The following RECK variants were observed in gnomAD, a reference collection of about 807,000 sequenced individuals.
RECK encodes the protein reversion inducing cysteine rich protein with kazal motifs.
A neutral mutation model predicts 115.1 loss-of-function variants in RECK; 69 were observed. The ratio of observed to expected loss-of-function variants is 0.60; its 90% CI spans 0.49 to 0.73. The LOEUF (loss-of-function observed/expected upper bound fraction) is 0.73, where lower values mean the gene tolerates loss of function less well. Ranked by LOEUF, RECK falls within the 30% of genes least tolerant of loss-of-function variation. The probability of loss-of-function intolerance (pLI) is 0.00; values close to 1 mark genes in which losing one functional copy is unlikely to be tolerated. For synonymous variants in RECK, 414 were observed against 419.7 expected, an observed-to-expected ratio of 0.99 and a Z score of 0.17; for missense variants, 1,047 against 1,203.7, an observed-to-expected ratio of 0.87 and a Z score of 1.93.
intron 10 of RECK, among the ~76,000 whole-genome samples, chr9:36,095,462 A>G (rs563716269): frequency 6.6e-6 from 1 of 152,092 alleles, no homozygotes; most frequent in African/African-American, 2.4e-5. Flanking sequence ...ACATATCCCA[A>G]CTCCTCTTAT....
At chr9:36,109,231 G>A (rs187506785) in intron 14 of RECK, among the ~76,000 whole-genome samples, 3 of 152,250 alleles carry the variant, frequency 2.0e-5, no homozygotes, top group African/African-American at 4.8e-5. Context: ...GCTGAAACCG[G>A]GACGGGGGAT....
chr9:36,104,318 ATATATATATTTTTTTTTTTTTTTTTTTTT>A (rs1564130878), intron 12 of RECK, among the ~76,000 whole-genome samples: 3 of 57,740 alleles, frequency 5.2e-5, no homozygotes, highest in African/African-American at 3.1e-4. Context: ...ATATATATAT[ATATATATATTTTTTTTTTTTTTTTTTTTT>A]TTTTTTTTTT....
intron 12 of RECK, among the ~76,000 whole-genome samples, chr9:36,102,873 G>A (rs537151927): frequency 6.7e-6 from 1 of 150,142 alleles, no homozygotes; most frequent in African/African-American, 2.4e-5. Flanking sequence ...GGAGAATGGC[G>A]TGAACCTGGG....
rs565936636 is a variant in RECK at position 36,094,629 on chromosome 9, C to T, written c.1085+3286C>T. On this transcript the variant is annotated intron_variant, in intron 10 of 20. Coordinates refer to ENST00000377966, the MANE Select transcript of RECK (RefSeq NM_021111.3). This position sits in a 1 kb window ranked among gnomAD's most constrained non-coding sequence, Gnocchi z 4.1. ...CAATAATTACATAAACGTAAATGAACTAAAAACATCGATTGAAAGGCAGAG... is the reference window on the plus strand; with the variant it reads ...CAATAATTACATAAACGTAAATGAATTAAAAACATCGATTGAAAGGCAGAG... Among the ~76,000 whole-genome samples, 1 of 152,130 alleles carries T rather than the reference C, an allele frequency of 6.6e-6. No individual in the cohort carries two copies. Among genetic ancestry groups the T allele is most frequent in the African/African-American group, 2.4e-5 (1 of 41,518 alleles).
intron 1 of RECK, among the ~76,000 whole-genome samples, chr9:36,047,809 C>CAA (rs148573065): frequency 3.6e-5 from 3 of 83,480 alleles, no homozygotes; most frequent in Admixed American, 1.3e-4. Context: ...AAGCCAGTCT[C>CAA]AAAAAAAAAA....
chr9:36,116,417 G>A (rs896326697), intron 16 of RECK, among the ~76,000 whole-genome samples: 3 of 152,162 alleles, frequency 2.0e-5, no homozygotes, highest in Non-Finnish European at 2.9e-5. Context: ...GTGAGGCACC[G>A]TGCCCAGCTG....
intron 10 of RECK, among the ~76,000 whole-genome samples, chr9:36,097,327 C>CAA (rs56837267): frequency 7.2e-5 from 5 of 69,574 alleles, no homozygotes; most frequent in Non-Finnish European, 1.3e-4. Flanking sequence ...GACTCCATCT[C>CAA]AAAAAAAAAA....
chr9:36,043,035 T>G (rs558909431), intron 1 of RECK, among the ~76,000 whole-genome samples: 2,384 of 131,468 alleles, frequency 0.018, 194 homozygotes, highest in African/African-American at 0.065. Flanking sequence ...TTTTTTTTTT[T>G]TTTTTGTTGA....
At chr9:36,115,910 A>G (rs1447398206) in intron 16 of RECK, among the ~76,000 whole-genome samples, 2 of 152,180 alleles carry the variant, frequency 1.3e-5, no homozygotes, top group African/African-American at 4.8e-5. Context: ...CTTTATAAAA[A>G]TTAGGAAAGC....
chr9:36,052,196 C>A, intron 1 of RECK, 69 bp from the exon 2 acceptor site: 1 of 902,258 alleles, frequency 1.1e-6, no homozygotes, highest in Non-Finnish European at 1.9e-6. Flanking sequence ...GTTTGTGTAA[C>A]CATCTGAATT....
chr9:36,120,453 A>C (rs1378134845), intron 18 of RECK, among the ~76,000 whole-genome samples: 2 of 152,148 alleles, frequency 1.3e-5, no homozygotes, highest in Non-Finnish European at 2.9e-5. Flanking sequence ...GGAGTGGTGA[A>C]GGATGAAAAG....
chr9:36,036,966 C>G lies in RECK; in HGVS notation c.-33C>G. On this transcript the variant is annotated 5_prime_UTR_variant, in exon 1 of 21. Coordinates refer to ENST00000377966, the MANE Select transcript of RECK (RefSeq NM_021111.3). ...CGGCTGCGGCCAAGCTGGGTCCGAG[C>G]ATCCCGCGGCTCTGGAGCCGCCCGG... 7.3e-7 allele frequency: 1 copy of G among 1,368,052 alleles called. No individual in the cohort carries two copies. Among genetic ancestry groups the G allele is most frequent in the Non-Finnish European group, 9.5e-7 (1 of 1,050,610 alleles). 84.7% of individuals were successfully genotyped at this position (1,368,052 alleles called of 1,614,324 possible).
At chr9:36,053,505 C>T (rs1411721710) in intron 2 of RECK, among the ~76,000 whole-genome samples, 2 of 152,112 alleles carry the variant, frequency 1.3e-5, no homozygotes, top group Non-Finnish European at 1.5e-5. Flanking sequence ...AAATGGCTAC[C>T]GGAGAATTCA....
intron 5 of RECK, among the ~76,000 whole-genome samples, chr9:36,065,228 TAAAAAAAAA>T (rs561725701): frequency 0.039 from 1,951 of 50,564 alleles, 44 homozygotes; most frequent in Middle Eastern, 0.06. Flanking sequence ...GGAATTCAGC[TAAAAAAAAA>T]AAAAAAAAAA....
At chr9:36,050,987 G>A (rs1427265123) in intron 1 of RECK, among the ~76,000 whole-genome samples, 1 of 151,498 alleles carries the variant, frequency 6.6e-6, no homozygotes, top group Non-Finnish European at 1.5e-5. Context: ...TTTCACATTC[G>A]TATTCTCTCT....
intron 2 of RECK, among the ~76,000 whole-genome samples, chr9:36,058,277 A>G (rs1206790245): frequency 4.6e-5 from 7 of 151,558 alleles, no homozygotes; most frequent in Non-Finnish European, 1.0e-4. Flanking sequence ...GACAGACTGG[A>G]TTAAGAAAAT....
intron 6 of RECK, among the ~76,000 whole-genome samples, chr9:36,079,880 A>C (rs1417876132): frequency 6.6e-6 from 1 of 152,120 alleles, no homozygotes; most frequent in Non-Finnish European, 1.5e-5. Context: ...ATTGACTTTA[A>C]TACAGGGTGG....
intron 1 of RECK, among the ~76,000 whole-genome samples, chr9:36,043,289 G>T (rs572040905): frequency 6.6e-4 from 90 of 136,206 alleles, no homozygotes; most frequent in African/African-American, 1.6e-3. Flanking sequence ...TGATCCACCC[G>T]CCTCGGCCTC....
At chr9:36,060,223 G>A (rs1478713472) in intron 4 of RECK, 68 bp downstream of exon 4, 2 of 1,472,494 alleles carry the variant, frequency 1.4e-6, no homozygotes, top group Non-Finnish European at 1.9e-6. Flanking sequence ...TAAAATTGGT[G>A]TCATTGTCCT....
Sources: gnomAD v4.1 joint callset for allele counts (sites outside exome capture counted in the v4.1 genomes callset) on GRCh38, gnomAD v4.1.1 for gene constraint, Gnocchi (gnomAD v3.1) non-coding constraint, MANE v1.5 for transcripts, NCBI Gene and HGNC (gene_info 2026-07-23, HGNC 2026-07-21) for gene names.